The following RILPL1 variants were observed in gnomAD, a reference collection of about 807,000 sequenced individuals.
RILPL1 encodes RILP-like protein 1.
RILPL1 carries 33 observed loss-of-function variants against 50.3 expected under a neutral mutation model. That is an observed-to-expected ratio of 0.66 (90% CI 0.50 to 0.88). RILPL1 has a LOEUF of 0.88. RILPL1 is among the 40% of genes least tolerant of loss of function. The probability of loss-of-function intolerance (pLI) is 0.00; values close to 1 mark genes in which losing one functional copy is unlikely to be tolerated. For missense variants in RILPL1, 418 were observed against 542.5 expected (o/e 0.77, Z 2.28); for synonymous variants, 205 against 228.6 (o/e 0.90, Z 0.93).
intron 6 of RILPL1, chr12:123,473,532 T>C (rs976191765): frequency 2.6e-5 from 4 of 151,678 alleles, no homozygotes; most frequent in African/African-American, 4.8e-5. Flanking sequence ...AAAATAAATA[T>C]ATATATATAA....
At chr12:123,510,050 C>A (rs549831827) in intron 2 of RILPL1, among the ~76,000 whole-genome samples, 1 of 152,190 alleles carries the variant, frequency 6.6e-6, no homozygotes, top group African/African-American at 2.4e-5. Context: ...GGGAGCCCAG[C>A]GGCAGGGCAG....
chr12:123,493,218 AC>A (rs1882816177), intron 4 of RILPL1, among the ~76,000 whole-genome samples: 1 of 152,226 alleles, frequency 6.6e-6, no homozygotes, highest in African/African-American at 2.4e-5. Context: ...GGGCAGCAAT[AC>A]TGCTTTGTAA....
chr12:123,492,234 A>T (rs534616809), intron 4 of RILPL1, among the ~76,000 whole-genome samples: 2,554 of 145,236 alleles, frequency 0.018, 63 homozygotes, highest in African/African-American at 0.057. Context: ...AAGAAAAAAA[A>T]ATATATATAT....
intron 2 of RILPL1, among the ~76,000 whole-genome samples, chr12:123,520,026 C>T (rs1884938550): frequency 6.6e-6 from 1 of 152,216 alleles, no homozygotes; most frequent in Admixed American, 6.5e-5. Flanking sequence ...CCTCCAGGCG[C>T]CCTGCAGAAG....
chr12:123,505,516 C>T (rs1398080896), intron 2 of RILPL1, among the ~76,000 whole-genome samples: 5 of 152,184 alleles, frequency 3.3e-5, no homozygotes, highest in Non-Finnish European at 5.9e-5. Flanking sequence ...TTAAGTCTCA[C>T]TGTGTTACCC....
At chr12:123,529,093 C>T (rs1422882135) in intron 1 of RILPL1, among the ~76,000 whole-genome samples, 1 of 152,188 alleles carries the variant, frequency 6.6e-6, no homozygotes, top group Non-Finnish European at 1.5e-5. Flanking sequence ...ACCTCAGGAC[C>T]TTTGCACTAG....
At position 123,491,870 on chromosome 12, in the gene RILPL1, G is replaced by A. The variant is rs945116309; in HGVS notation, c.802-6065C>T. Among the ~76,000 whole-genome samples, 2 of 151,994 alleles carry A rather than the reference G, an allele frequency of 1.3e-5. No homozygotes were observed. Among genetic ancestry groups the A allele is most frequent in the Non-Finnish European group, 2.9e-5 (2 of 68,002 alleles). On this transcript the variant is annotated intron_variant, in intron 4 of 6. Coordinates refer to ENST00000376874, the MANE Select transcript of RILPL1 (RefSeq NM_178314.5). The surrounding 1 kb of genome is among the most constrained non-coding windows in gnomAD (Gnocchi z 4.0). Reference sequence around the variant, plus strand: ...AAATACACAAAAATGAGCTGGGTGTGGTGGCGCACACCTGTAATCCCAGCT... The same window carrying A: ...AAATACACAAAAATGAGCTGGGTGTAGTGGCGCACACCTGTAATCCCAGCT...
chr12:123,500,051 C>T (rs1368419147), intron 2 of RILPL1, among the ~76,000 whole-genome samples: 1 of 151,934 alleles, frequency 6.6e-6, no homozygotes. Flanking sequence ...CCTGCCTCAG[C>T]CTCCTGAGTA....
At chr12:123,475,485 C>T in intron 6 of RILPL1, 1 of 599,354 alleles carries the variant, frequency 1.7e-6, no homozygotes, top group East Asian at 2.8e-5. Context: ...CTCGAGTAGA[C>T]CGAGCGCAGC....
chr12:123,511,735 GGT>G (rs201672632), intron 2 of RILPL1, among the ~76,000 whole-genome samples: 5 of 124,682 alleles, frequency 4.0e-5, no homozygotes, highest in Non-Finnish European at 5.1e-5. Context: ...TTGTGTGTGT[GGT>G]GTGTGTGAGG....
At position 123,496,880 on chromosome 12, in the gene RILPL1, GCT is replaced by G. The variant is rs369091256; in HGVS notation, c.801+1662_801+1663del. ...TGCACAGTGTTGTGCGACCATCACC[GCT>G]CTCTAATTCCGGATCATTTCCATCG... On this transcript the variant is annotated intron_variant, in intron 4 of 6. Coordinates refer to ENST00000376874, the MANE Select transcript of RILPL1 (RefSeq NM_178314.5). Among the ~76,000 whole-genome samples, 599 of 152,328 alleles carry G rather than the reference GCT, an allele frequency of 3.9e-3. 1 individual carries two copies. The highest frequency in any genetic ancestry group is 0.027 in the Middle Eastern group (8 of 294).
rs1373554745 is a variant in RILPL1, at chr12:123,472,660, TATCTC to T, written c.1085_1089del (p.Arg362GlnfsTer27). ...CTCTGTGTGTTGGCCAGGCGCTTCT[TATCTC>T]GGGAGAAGAAGCTAAACCTTTGGAA... On this transcript the variant is annotated frameshift_variant, in exon 7 of 7. Coordinates refer to ENST00000376874, the MANE Select transcript of RILPL1 (RefSeq NM_178314.5). LOFTEE classifies it high-confidence loss of function. 2 of 1,599,120 alleles carry T rather than the reference TATCTC, an allele frequency of 1.3e-6. No individual in the cohort carries two copies. The highest frequency in any genetic ancestry group is 1.7e-6 in the Non-Finnish European group (2 of 1,172,828).
intron 6 of RILPL1, chr12:123,475,887 T>G: frequency 1.7e-6 from 1 of 576,498 alleles, no homozygotes; most frequent in Non-Finnish European, 3.0e-6. Flanking sequence ...TGCCTCTAAA[T>G]TCACTTAAAA....
chr12:123,527,140 G>A (rs1885289939), intron 1 of RILPL1, among the ~76,000 whole-genome samples: 1 of 152,150 alleles, frequency 6.6e-6, no homozygotes, highest in African/African-American at 2.4e-5. Flanking sequence ...AGAACAGCCT[G>A]GGCAACATGG....
Position 123,523,527 on chromosome 12 carries a change from T to C in RILPL1, c.428A>G (p.Asn143Ser), listed in dbSNP as rs28711796. The change falls in exon 2 of 7, where the codon AAT becomes AGT. Residue 143 changes from asparagine (N) to serine (S), a missense_variant. Transcript: ENST00000376874. ...LMTNLSHKDV[N>S]FSEEEFQKHE... is the part of the protein sequence containing the mutation. ...CTTCTGGAACTCCTCCTCTGAGAAATTGACATCCTTGTGGGAGAGGTTGGT... is the reference window on the plus strand; with the variant it reads ...CTTCTGGAACTCCTCCTCTGAGAAACTGACATCCTTGTGGGAGAGGTTGGT... 0.031 allele frequency: 49,252 copies of C among 1,613,922 alleles called. 2,264 individuals are homozygous for C. Among genetic ancestry groups the C allele is most frequent in the African/African-American group, 0.21 (15,607 of 75,002 alleles).
chr12:123,511,482 G>A (rs1884197031), intron 2 of RILPL1, among the ~76,000 whole-genome samples: 1 of 146,910 alleles, frequency 6.8e-6, no homozygotes, highest in Admixed American at 6.8e-5. Context: ...TGTGTGGTGT[G>A]TGAGGTCTGT....
intron 6 of RILPL1, among the ~76,000 whole-genome samples, chr12:123,482,689 G>T (rs914052556): frequency 2.0e-5 from 3 of 150,626 alleles, no homozygotes; most frequent in East Asian, 2.0e-4. Flanking sequence ...TACAATCTTG[G>T]CTCACTGAAG....
intron 4 of RILPL1, among the ~76,000 whole-genome samples, chr12:123,487,042 A>T (rs1355398081): frequency 6.6e-6 from 1 of 151,396 alleles, no homozygotes; most frequent in Non-Finnish European, 1.5e-5. Flanking sequence ...CAAGTGATCC[A>T]CCCGCCTTTG....
At chr12:123,496,943 T>TC (rs1461882557) in intron 4 of RILPL1, among the ~76,000 whole-genome samples, 2 of 152,186 alleles carry the variant, frequency 1.3e-5, no homozygotes, top group African/African-American at 2.4e-5. Context: ...CGGCAGTCAC[T>TC]CCCCATTCCT....
Sources: allele counts gnomAD v4.1 joint callset (sites outside exome capture counted in the v4.1 genomes callset), GRCh38; gene constraint gnomAD v4.1.1; non-coding constraint Gnocchi (gnomAD v3.1); transcripts MANE v1.5; gene names NCBI Gene and HGNC (gene_info 2026-07-23, HGNC 2026-07-21).